Variants in LIN52 observed in about 807,000 individuals in gnomAD.
LIN52 encodes protein lin-52 homolog.
LIN52 carries 4 observed loss-of-function variants against 18.5 expected under a neutral mutation model. The ratio of observed to expected loss-of-function variants is 0.22; its 90% CI spans 0.11 to 0.49. LIN52 has a LOEUF of 0.49. Among genes scored for constraint, LIN52 ranks in the 20% least tolerant of loss-of-function variants. The pLI is 0.97. For missense variants in LIN52, 102 were observed against 139.5 expected (o/e 0.73, Z 1.35); for synonymous variants, 34 against 45.5 (o/e 0.75, Z 1.02).
At position 74,198,107 on chromosome 14, in the gene LIN52, CAGGATG is replaced by C. The variant is rs987203870; in HGVS notation, c.284-798_284-793del. On this transcript the variant is annotated intron_variant, in intron 5 of 5. Coordinates refer to ENST00000555028, the MANE Select transcript of LIN52 (RefSeq NM_001024674.3). ...TAAGAAATCTGAAAACATGGCCTTG[CAGGATG>C]AGGATGAGGATGAGGAAGGGGCTGT... 8.5e-5 allele frequency among the ~76,000 whole-genome samples: 13 copies of C among 152,284 alleles called. No homozygotes were observed. The South Asian group carries it at 1.0e-3, about 12-fold the overall frequency.
At chr14:74,119,055 T>C (rs2060981223) in intron 5 of LIN52, among the ~76,000 whole-genome samples, 1 of 152,232 alleles carries the variant, frequency 6.6e-6, no homozygotes, top group South Asian at 2.1e-4. Flanking sequence ...ATTTCCTCGT[T>C]CTACTAATGA....
At chr14:74,194,021 A>C (rs4903204) in intron 5 of LIN52, among the ~76,000 whole-genome samples, 123,342 of 152,212 alleles carry the variant, frequency 0.81, 50,144 homozygotes, top group Admixed American at 0.84. Flanking sequence ...GTTTCTTAAA[A>C]TTTACATTGT....
intron 2 of LIN52, among the ~76,000 whole-genome samples, chr14:74,092,849 G>A (rs532964195): frequency 9.9e-5 from 15 of 151,686 alleles, no homozygotes; most frequent in Admixed American, 2.6e-4. Flanking sequence ...CCCGGGAGGC[G>A]GAGGTTGCAG....
At chr14:74,177,347 T>C (rs2061298590) in intron 5 of LIN52, among the ~76,000 whole-genome samples, 1 of 152,222 alleles carries the variant, frequency 6.6e-6, no homozygotes, top group Non-Finnish European at 1.5e-5. Context: ...AACATTCATG[T>C]ACAAGTTTTG....
chr14:74,102,646 G>T (rs1442566021), intron 5 of LIN52, among the ~76,000 whole-genome samples: 1 of 152,056 alleles, frequency 6.6e-6, no homozygotes, highest in Non-Finnish European at 1.5e-5. Context: ...TTTGTTTCTA[G>T]CTTTGGATAA....
intron 5 of LIN52, among the ~76,000 whole-genome samples, chr14:74,119,053 G>A (rs149809816): frequency 6.0e-5 from 9 of 151,116 alleles, no homozygotes; most frequent in African/African-American, 1.9e-4. Flanking sequence ...TTATTTCCTC[G>A]TTCTACTAAT....
chr14:74,186,066 A>G (rs1318049399), intron 5 of LIN52, among the ~76,000 whole-genome samples: 1 of 152,172 alleles, frequency 6.6e-6, no homozygotes, highest in Non-Finnish European at 1.5e-5. Context: ...AGGTGGCTGG[A>G]TCACTTGAGA....
chr14:74,111,470 TA>T (rs1271655846), intron 5 of LIN52, among the ~76,000 whole-genome samples: 9 of 138,662 alleles, frequency 6.5e-5, no homozygotes, highest in Non-Finnish European at 9.4e-5. Context: ...TTTTTTTTTT[TA>T]ATTTTTATTT....
intron 2 of LIN52, among the ~76,000 whole-genome samples, chr14:74,095,011 A>T (rs1566844446): frequency 6.6e-6 from 1 of 151,514 alleles, no homozygotes; most frequent in Non-Finnish European, 1.5e-5. Flanking sequence ...ACAGAGGCTC[A>T]TCCTATCACC....
At chr14:74,103,427 ATTTTTTTT>A (rs11347849) in intron 5 of LIN52, among the ~76,000 whole-genome samples, 5 of 88,576 alleles carry the variant, frequency 5.6e-5, no homozygotes, top group African/African-American at 1.4e-4. Flanking sequence ...AAAATGTAAG[ATTTTTTTT>A]TTTTTTTTTT....
At chr14:74,091,768 T>G (rs1212332359) in intron 2 of LIN52, among the ~76,000 whole-genome samples, 1 of 113,466 alleles carries the variant, frequency 8.8e-6, no homozygotes, top group South Asian at 3.6e-4. Context: ...GGTGAGACTC[T>G]GTCTCAAAAA....
chr14:74,087,686 A>T (rs2060743416), intron 1 of LIN52, among the ~76,000 whole-genome samples: 2 of 152,280 alleles, frequency 1.3e-5, no homozygotes, highest in African/African-American at 2.4e-5. Flanking sequence ...TGTCTTTAAA[A>T]TTTAATTCAG....
At position 74,091,094 on chromosome 14, in the gene LIN52, C is replaced by T. The variant is rs572370777; in HGVS notation, c.20-138C>T. ...TGATTTATTTGTATTCTATCACGGA[C>T]CAGTGGCATCAATAGTTACAGAACT... On this transcript the variant is annotated intron_variant, in intron 1 of 5. Coordinates refer to ENST00000555028, the MANE Select transcript of LIN52 (RefSeq NM_001024674.3). The T allele has an allele frequency of 3.7e-5, 20 of 546,108 alleles. No homozygotes were observed. The African/African-American group carries it at 3.7e-4, about 10-fold the overall frequency. 33.8% of individuals were successfully genotyped at this position (546,108 alleles called of 1,614,324 possible).
intron 5 of LIN52, chr14:74,192,594 G>T: frequency 4.9e-6 from 1 of 205,752 alleles, no homozygotes; most frequent in South Asian, 7.4e-5. Context: ...AGCCAACAGT[G>T]GTCATATTAA....
At chr14:74,106,087 G>A (rs929006708) in intron 5 of LIN52, among the ~76,000 whole-genome samples, 1 of 152,108 alleles carries the variant, frequency 6.6e-6, no homozygotes, top group African/African-American at 2.4e-5. Context: ...AAATTCCCTT[G>A]AAATATATAG....
At chr14:74,152,581 C>G (rs962933594) in intron 5 of LIN52, among the ~76,000 whole-genome samples, 1 of 152,010 alleles carries the variant, frequency 6.6e-6, no homozygotes, top group African/African-American at 2.4e-5. Flanking sequence ...TCCAAGCCAT[C>G]TGACTCCATA....
chr14:74,184,028 A>G (rs1362673179), intron 5 of LIN52, among the ~76,000 whole-genome samples: 1 of 152,094 alleles, frequency 6.6e-6, no homozygotes, highest in African/African-American at 2.4e-5. Context: ...CTGTAACTGC[A>G]CCCCCTAGTT....
chr14:74,177,539 T>C (rs1022959109), intron 5 of LIN52, among the ~76,000 whole-genome samples: 1 of 152,228 alleles, frequency 6.6e-6, no homozygotes. Flanking sequence ...CTATGTCTTT[T>C]TGAGTTATTT....
intron 5 of LIN52, among the ~76,000 whole-genome samples, chr14:74,106,812 G>A (rs994701819): frequency 3.9e-5 from 6 of 152,030 alleles, no homozygotes; most frequent in East Asian, 1.9e-4. Context: ...GGCTGGTCTC[G>A]AACTTCTGTC....
Sources: allele counts gnomAD v4.1 joint callset (sites outside exome capture counted in the v4.1 genomes callset), GRCh38; gene constraint gnomAD v4.1.1; transcripts MANE v1.5; gene names NCBI Gene and HGNC (gene_info 2026-07-23, HGNC 2026-07-21).